WDPCP: variants seen among roughly 807,000 people sequenced by gnomAD.
The protein encoded by WDPCP is WD repeat-containing and planar cell polarity effector protein fritz homolog.
A neutral mutation model predicts 93.1 loss-of-function variants in WDPCP; 71 were observed. That is an observed-to-expected ratio of 0.76 (90% confidence interval 0.63 to 0.93). The LOEUF (loss-of-function observed/expected upper bound fraction) is 0.93, where lower values mean the gene tolerates loss of function less well. Among genes scored for constraint, WDPCP ranks in the 40% least tolerant of loss-of-function variants. WDPCP has a pLI of 0.00. For synonymous variants in WDPCP, 315 were observed against 315.0 expected (o/e 1.00, Z 0.00); for missense variants, 844 against 887.4 (o/e 0.95, Z 0.62).
intron 2 of WDPCP, among the ~76,000 whole-genome samples, chr2:63,659,636 A>T (rs1710205309): frequency 6.6e-6 from 1 of 152,176 alleles, no homozygotes; most frequent in Non-Finnish European, 1.5e-5. Context: ...GGGAGGGAGG[A>T]CACCTTGATT....
chr2:63,738,225 T>C (rs1669665499), intron 2 of WDPCP, among the ~76,000 whole-genome samples: 2 of 152,142 alleles, frequency 1.3e-5, no homozygotes, highest in African/African-American at 4.8e-5. Context: ...CTGAAAATTC[T>C]GTGAGTCTCA....
At chr2:63,358,819 C>A (rs534719527) in intron 12 of WDPCP, among the ~76,000 whole-genome samples, 3 of 152,286 alleles carry the variant, frequency 2.0e-5, no homozygotes, top group Admixed American at 1.3e-4. Context: ...AAGTCAAATT[C>A]TTTTCCACTA....
chr2:63,317,881 C>T (rs903317366), intron 12 of WDPCP, among the ~76,000 whole-genome samples: 3 of 152,106 alleles, frequency 2.0e-5, no homozygotes, highest in Non-Finnish European at 4.4e-5. Flanking sequence ...AGAGACTCCA[C>T]AAGCAACTGC....
chr2:63,404,758 A>G, intron 9 of WDPCP, 101 bp from the exon 10 acceptor site: 1 of 1,410,730 alleles, frequency 7.1e-7, no homozygotes, highest in East Asian at 2.3e-5. Context: ...AAAGAAAATC[A>G]ATTACTATCT....
chr2:63,587,902 G>C (rs1296937664), intron 1 of WDPCP, among the ~76,000 whole-genome samples: 1 of 152,234 alleles, frequency 6.6e-6, no homozygotes, highest in African/African-American at 2.4e-5. Context: ...AATTAGAACC[G>C]TATACTGTGA....
chr2:63,398,116 T>C (rs1461611039), intron 10 of WDPCP, among the ~76,000 whole-genome samples: 1 of 152,086 alleles, frequency 6.6e-6, no homozygotes, highest in Non-Finnish European at 1.5e-5. Flanking sequence ...GAAAGATTCA[T>C]GTGCATATTG....
At chr2:63,382,559 C>T (rs1692402509) in intron 10 of WDPCP, among the ~76,000 whole-genome samples, 1 of 152,014 alleles carries the variant, frequency 6.6e-6, no homozygotes, top group African/African-American at 2.4e-5. Flanking sequence ...AAAACTTCCT[C>T]TCAGTACAAA....
At chr2:63,662,363 GTC>G (rs1710235584) in intron 2 of WDPCP, among the ~76,000 whole-genome samples, 1 of 152,038 alleles carries the variant, frequency 6.6e-6, no homozygotes, top group Non-Finnish European at 1.5e-5. Flanking sequence ...TTACCACATG[GTC>G]TGTTTGTGTA....
At chr2:63,604,985 A>C (rs1462961268) in intron 3 of WDPCP, 1 of 1,036,044 alleles carries the variant, frequency 9.7e-7, no homozygotes, top group Non-Finnish European at 1.4e-6. Flanking sequence ...TGATGACTGC[A>C]TACTTTCGGG....
intron 6 of WDPCP, among the ~76,000 whole-genome samples, chr2:63,457,097 C>T (rs79350868): frequency 6.6e-6 from 1 of 151,848 alleles, no homozygotes; most frequent in Non-Finnish European, 1.5e-5. Context: ...CTAGAATAAC[C>T]AAGAACAAAA....
rs1257278044 is a variant in WDPCP, at chr2:63,575,489, A to ACAGTATATACAGTGCATGCACT, written c.75+12707_75+12708insAGTGCATGCACTGTATATACTG. Among the ~76,000 whole-genome samples, 2 of 17,288 alleles carry ACAGTATATACAGTGCATGCACT rather than the reference A, an allele frequency of 1.2e-4. 1 individual carries two copies. The highest frequency in any genetic ancestry group is 2.5e-4 in the Non-Finnish European group (2 of 7,858). 11.3% of individuals were successfully genotyped at this position (17,288 alleles called of 152,430 possible). A position where few individuals can be genotyped will look rare whatever the true frequency, so the allele number is the denominator to read the frequency against. Reference sequence around the variant, plus strand: ...TATGCAGTATATACAGTGTATATATAGTATATACAGTATATACACTGTATA... The same window carrying ACAGTATATACAGTGCATGCACT: ...TATGCAGTATATACAGTGTATATATACAGTATATACAGTGCATGCACTGTATATACAGTATATACACTGTATA... On this transcript the variant is annotated intron_variant, in intron 1 of 17. Coordinates refer to ENST00000272321, the MANE Select transcript of WDPCP (RefSeq NM_015910.7).
chr2:63,645,477 G>T lies in WDPCP; in HGVS notation n.488+5182C>A, dbSNP rs139454745. Among the ~76,000 whole-genome samples, 82 of 152,262 alleles carry T rather than the reference G, an allele frequency of 5.4e-4. 1 individual carries two copies. The East Asian group carries it at 0.015, about 28-fold the overall frequency. On this transcript the variant is annotated intron_variant and non_coding_transcript_variant, in intron 3 of 4. Transcript: ENST00000467687. Reference sequence around the variant, plus strand: ...TGCTGAGAAAAAGAATGTGTATTCTGCAGCCATTGGATGAAATGTTCTGAA... The same window carrying T: ...TGCTGAGAAAAAGAATGTGTATTCTTCAGCCATTGGATGAAATGTTCTGAA...
In WDPCP at chr2:63,664,280, T is replaced by TG. The variant is rs536585654; in HGVS notation, n.309-13443dup. On this transcript the variant is annotated intron_variant and non_coding_transcript_variant, in intron 2 of 4. Coordinates refer to the WDPCP transcript ENST00000467687. ...AAAATAATTTACTAGTGAAAATGGGTGGCTGGAAGAATGTCCAGGAAGATA... is the reference window on the plus strand; with the variant it reads ...AAAATAATTTACTAGTGAAAATGGGTGGGCTGGAAGAATGTCCAGGAAGATA... Among the ~76,000 whole-genome samples the TG allele has an allele frequency of 1.9e-3, 296 of 152,306 alleles. 3 individuals are homozygous for TG. The highest frequency in any genetic ancestry group is 6.5e-3 in the African/African-American group (272 of 41,568).
At chr2:63,637,420 GA>G (rs11435282) in intron 3 of WDPCP, among the ~76,000 whole-genome samples, 182 of 99,212 alleles carry the variant, frequency 1.8e-3, no homozygotes, top group African/African-American at 5.1e-3. Flanking sequence ...GGCTACAACA[GA>G]AAAAAAAAAA....
Position 63,382,018 on chromosome 2 carries a change from T to C in WDPCP, c.1512A>G (p.Ala504=). The part of the protein sequence containing the change: ...QYIHCDEIYE[A]INILSSMNWD... ...AGTTCATGCTGCTCAGGATGTTTAT[T>C]GCCTCATAGATCTCATCACAGTGAA... Residue 504 remains alanine, a synonymous_variant, in exon 11 of 18, where the codon GCA becomes GCG. Coordinates refer to ENST00000272321, the MANE Select transcript of WDPCP (RefSeq NM_015910.7). 1 of 1,613,530 alleles carries C rather than the reference T, an allele frequency of 6.2e-7. No individual in the cohort carries two copies. Among genetic ancestry groups the C allele is most frequent in the Non-Finnish European group, 8.5e-7 (1 of 1,179,726 alleles).
chr2:63,149,767 C>G (rs188857552), intron 17 of WDPCP, among the ~76,000 whole-genome samples: 4 of 152,136 alleles, frequency 2.6e-5, no homozygotes, highest in Admixed American at 2.6e-4. Flanking sequence ...ATATAAAGTT[C>G]AGAAAGAAGT....
At chr2:63,627,605 GAGA>G (rs936821448) in intron 3 of WDPCP, among the ~76,000 whole-genome samples, 19 of 152,300 alleles carry the variant, frequency 1.2e-4, no homozygotes, top group African/African-American at 4.6e-4. Context: ...AAAGGGAAAA[GAGA>G]AGGAGTAGTT....
chr2:63,815,886 T>C (rs1419337484), intron 1 of WDPCP, among the ~76,000 whole-genome samples: 1 of 145,724 alleles, frequency 6.9e-6, no homozygotes, highest in African/African-American at 2.4e-5. Context: ...GTTGTTGTTG[T>C]TTATTTTTTG....
At chr2:63,572,642 G>T (rs1315505493) in intron 1 of WDPCP, among the ~76,000 whole-genome samples, 2 of 126,396 alleles carry the variant, frequency 1.6e-5, no homozygotes, top group Non-Finnish European at 3.1e-5. Flanking sequence ...GGTGGAGGTT[G>T]CAGTGAGCCC....
Sources: allele counts gnomAD v4.1 joint callset (sites outside exome capture counted in the v4.1 genomes callset), GRCh38; gene constraint gnomAD v4.1.1; transcripts MANE v1.5; gene names NCBI Gene and HGNC (gene_info 2026-07-23, HGNC 2026-07-21).